The following AXIN1 variants were observed in gnomAD, a reference collection of about 807,000 sequenced individuals.
AXIN1 encodes the protein axin 1.
Under a neutral mutation model 76.4 loss-of-function variants are expected in AXIN1, and 30 were observed. That is an observed-to-expected ratio of 0.39 (90% CI 0.29 to 0.53). The LOEUF (loss-of-function observed/expected upper bound fraction) is 0.53, where lower values mean the gene tolerates loss of function less well. Among genes scored for constraint, AXIN1 ranks in the 20% least tolerant of loss-of-function variants. AXIN1 has a pLI of 0.66. For synonymous variants in AXIN1, 545 were observed against 501.4 expected (o/e 1.09, Z -1.16); for missense variants, 1,140 against 1,198.8 (o/e 0.95, Z 0.72).
chr16:329,274 A>C (rs1327192456), intron 2 of AXIN1, among the ~76,000 whole-genome samples: 1 of 27,170 alleles, frequency 3.7e-5, no homozygotes, highest in South Asian at 1.8e-3. Context: ...GAGACTGTCA[A>C]AAAAAAAAAA....
chr16:331,651 C>T (rs2053692705), intron 2 of AXIN1, among the ~76,000 whole-genome samples: 1 of 152,174 alleles, frequency 6.6e-6, no homozygotes, highest in Non-Finnish European at 1.5e-5. Context: ...AAAGCCAAAA[C>T]AAAAACTGCC....
intron 2 of AXIN1, among the ~76,000 whole-genome samples, chr16:345,310 GC>G (rs922943802): frequency 1.3e-5 from 2 of 152,150 alleles, no homozygotes; most frequent in African/African-American, 4.8e-5. Context: ...ATCCTGGAAT[GC>G]CCACTATAGC....
At chr16:318,782 C>T (rs1211513255) in intron 2 of AXIN1, among the ~76,000 whole-genome samples, 2 of 149,164 alleles carry the variant, frequency 1.3e-5, no homozygotes, top group Non-Finnish European at 3.0e-5. Context: ...AGCACCTCCA[C>T]CTACACCTGC....
rs770623143 is a variant in AXIN1 at position 288,175 on chromosome 16, C to G, written c.2536G>C (p.Val846Leu). ...VFEEVREDEA[V>L]LPVFEEKIIG... ...ATCTTCTCCTCAAAGACGGGCAGGACGGCCTCGTCCTCTCGAACCTCCTCA... is the reference window on the plus strand; with the variant it reads ...ATCTTCTCCTCAAAGACGGGCAGGAGGGCCTCGTCCTCTCGAACCTCCTCA... The change falls in exon 11 of 11, where the codon GTC becomes CTC. Residue 846 changes from valine (V) to leucine (L), a missense_variant. By Grantham distance (32) the Val-to-Leu change is conservative. Coordinates refer to ENST00000262320, the MANE Select transcript of AXIN1 (RefSeq NM_003502.4). 9.9e-6 allele frequency: 16 copies of G among 1,613,586 alleles called. No individual in the cohort carries two copies. Among genetic ancestry groups the G allele is most frequent in the Non-Finnish European group, 1.2e-5 (14 of 1,180,022 alleles).
At chr16:306,785 G>A (rs183110592) in intron 4 of AXIN1, among the ~76,000 whole-genome samples, 2 of 152,366 alleles carry the variant, frequency 1.3e-5, no homozygotes, top group East Asian at 3.9e-4. Context: ...GCTGGAGTCT[G>A]GGCCGTGCAC....
chr16:338,274 G>A (rs66796850), intron 2 of AXIN1, among the ~76,000 whole-genome samples: 26,086 of 152,240 alleles, frequency 0.17, 2,373 homozygotes, highest in South Asian at 0.24. Context: ...GGCCAGTCAC[G>A]GCTAGGGCAC....
intron 2 of AXIN1, among the ~76,000 whole-genome samples, chr16:337,166 A>AG (rs1238736456): frequency 1.3e-5 from 2 of 149,492 alleles, no homozygotes; most frequent in East Asian, 3.9e-4. Context: ...AAAAAAAAAA[A>AG]AAAAAAAAAA....
chr16:299,124 T>C (rs1384387012), intron 5 of AXIN1: 2 of 985,352 alleles, frequency 2.0e-6, no homozygotes, highest in African/African-American at 1.7e-5. Context: ...ATGTACATGT[T>C]GTGATGCTGC....
At chr16:340,329 G>C (rs2053891829) in intron 2 of AXIN1, among the ~76,000 whole-genome samples, 1 of 152,162 alleles carries the variant, frequency 6.6e-6, no homozygotes, top group South Asian at 2.1e-4. Flanking sequence ...TGCATCACTG[G>C]ACTGGCCCGG....
chr16:295,699 C>T (rs192509064), intron 7 of AXIN1, among the ~76,000 whole-genome samples: 3 of 152,146 alleles, frequency 2.0e-5, no homozygotes, highest in African/African-American at 7.2e-5. Context: ...CGGTGGCTCA[C>T]GCCTGTAATC....
intron 4 of AXIN1, 120 bp downstream of exon 4, chr16:309,853 C>T (rs539080357): frequency 4.4e-5 from 41 of 936,716 alleles, no homozygotes; most frequent in South Asian, 2.8e-4. Flanking sequence ...CACACGCTTA[C>T]GCCTAGAGGT....
At chr16:309,552 C>T (rs938312075) in intron 4 of AXIN1, among the ~76,000 whole-genome samples, 3 of 152,154 alleles carry the variant, frequency 2.0e-5, no homozygotes, top group East Asian at 1.9e-4. Flanking sequence ...AAAGTCAAGA[C>T]GTTTACCTGG....
chr16:349,892 A>C (rs1336882034), intron 1 of AXIN1, among the ~76,000 whole-genome samples: 1 of 152,132 alleles, frequency 6.6e-6, no homozygotes, highest in Non-Finnish European at 1.5e-5. Flanking sequence ...TCAGCTTCCC[A>C]GGCTCAAGCA....
chr16:333,279 C>A (rs2053731382), intron 2 of AXIN1, among the ~76,000 whole-genome samples: 1 of 151,644 alleles, frequency 6.6e-6, no homozygotes. Context: ...ATGCAGTGAG[C>A]CGAGATCGCA....
intron 1 of AXIN1, among the ~76,000 whole-genome samples, chr16:348,305 T>G (rs1203718273): frequency 2.6e-5 from 4 of 152,212 alleles, no homozygotes; most frequent in African/African-American, 7.2e-5. Flanking sequence ...AGAAGCATGT[T>G]GGGTTCAAAA....
chr16:341,749 G>T (rs997715856), intron 2 of AXIN1, among the ~76,000 whole-genome samples: 3 of 152,220 alleles, frequency 2.0e-5, no homozygotes, highest in Admixed American at 6.5e-5. Context: ...TCTAGCTCAG[G>T]GACTGTAAAT....
At chr16:288,401 A>G (rs557032898) in intron 10 of AXIN1, 153 bp from the exon 11 acceptor site, 1 of 1,112,688 alleles carries the variant, frequency 9.0e-7, no homozygotes, top group Admixed American at 2.0e-5. Flanking sequence ...TCCCAGGGCA[A>G]CAGTGAACAG....
intron 2 of AXIN1, among the ~76,000 whole-genome samples, chr16:344,917 TA>T (rs2054004121): frequency 6.6e-6 from 1 of 152,232 alleles, no homozygotes; most frequent in Non-Finnish European, 1.5e-5. Context: ...GAGTTTTTAA[TA>T]ACTCCTCAGG....
At position 288,053 on chromosome 16, in the gene AXIN1, AT is replaced by A. The variant is rs1195750979; in HGVS notation, c.*68del. On this transcript the variant is annotated 3_prime_UTR_variant, in exon 11 of 11. Transcript: ENST00000262320. ...CCATCGGGCTCCTGAGTACGAGGTC[AT>A]CTGCCTGGCCGTGACACCCGTGCCC... 2 of 1,609,936 alleles carry A rather than the reference AT, an allele frequency of 1.2e-6. No individual in the cohort carries two copies. Among genetic ancestry groups the A allele is most frequent in the African/African-American group, 2.7e-5 (2 of 75,044 alleles).
Sources: gnomAD v4.1 joint callset for allele counts (sites outside exome capture counted in the v4.1 genomes callset) on GRCh38, gnomAD v4.1.1 for gene constraint, MANE v1.5 for transcripts, NCBI Gene and HGNC (gene_info 2026-07-23, HGNC 2026-07-21) for gene names.